The following CAMTA1 variants were observed in gnomAD, a reference collection of about 807,000 sequenced individuals.
The protein encoded by CAMTA1 is calmodulin-binding transcription activator 1.
CAMTA1 carries 27 observed loss-of-function variants against 170.9 expected under a neutral mutation model. The observed-to-expected ratio is 0.16, with a 90% CI of 0.12 to 0.22. CAMTA1 has a LOEUF of 0.22. Ranked by LOEUF, CAMTA1 falls within the 10% of genes least tolerant of loss-of-function variation. The pLI is 1.00. For synonymous variants in CAMTA1, 833 were observed against 891.5 expected (o/e 0.93, Z 1.17); for missense variants, 1,619 against 2,217.2 (o/e 0.73, Z 5.42).
chr1:7,285,925 A>G (rs1278844898), intron 5 of CAMTA1, among the ~76,000 whole-genome samples: 1 of 152,206 alleles, frequency 6.6e-6, no homozygotes, highest in Non-Finnish European at 1.5e-5. Context: ...TAAATCTGCT[A>G]CAAATTCCCA....
Position 6,957,991 on chromosome 1 carries a change from C to T in CAMTA1, c.234+132781C>T, listed in dbSNP as rs79892751. Among the ~76,000 whole-genome samples, 380 of 152,304 alleles carry T rather than the reference C, an allele frequency of 2.5e-3. 13 individuals are homozygous for T. In the East Asian group the frequency reaches 0.033, roughly 13 times the overall value. ...TTCCCTCCCGCCTGTCAGCACTGGA[C>T]TCGGCCTGCACCTCAGATGTCACTT... On this transcript the variant is annotated intron_variant, in intron 3 of 22. Transcript: ENST00000303635.
intron 4 of CAMTA1, among the ~76,000 whole-genome samples, chr1:7,156,904 T>C (rs1646916802): frequency 6.6e-6 from 1 of 152,030 alleles, no homozygotes; most frequent in African/African-American, 2.4e-5. Flanking sequence ...CTGTCACCAG[T>C]GGGTTATAGG....
intron 6 of CAMTA1, among the ~76,000 whole-genome samples, chr1:7,632,318 C>T (rs572384137): frequency 4.6e-5 from 7 of 152,340 alleles, no homozygotes; most frequent in East Asian, 3.9e-4. Context: ...GCGCCCCCAG[C>T]GGCAAGTGGG....
Position 7,688,604 on chromosome 1 carries a change from C to A in CAMTA1, c.2914+10871C>A, listed in dbSNP as rs542426489. Among the ~76,000 whole-genome samples the A allele has an allele frequency of 7.2e-5, 11 of 152,230 alleles. 1 individual carries two copies. Among genetic ancestry groups the A allele is most frequent in the African/African-American group, 2.4e-4 (10 of 41,542 alleles). ...AGAAGACACAAGTGCTGGTTGGGGGCTAGGGCAGCCTCTGAGGGGATGTGA... is the reference window on the plus strand; with the variant it reads ...AGAAGACACAAGTGCTGGTTGGGGGATAGGGCAGCCTCTGAGGGGATGTGA... On this transcript the variant is annotated intron_variant, in intron 11 of 22. Transcript: ENST00000303635.
intron 5 of CAMTA1, among the ~76,000 whole-genome samples, chr1:7,457,864 G>C (rs963617600): frequency 6.6e-6 from 1 of 152,148 alleles, no homozygotes; most frequent in African/African-American, 2.4e-5. Context: ...GGTCTTCTTG[G>C]TGCTCTCTGC....
At chr1:7,088,236 G>T (rs948868210) in intron 3 of CAMTA1, among the ~76,000 whole-genome samples, 1 of 152,208 alleles carries the variant, frequency 6.6e-6, no homozygotes, top group Non-Finnish European at 1.5e-5. Flanking sequence ...AGGTGTCCTG[G>T]ATTGGGAGAA....
chr1:7,403,329 A>G lies in CAMTA1; in HGVS notation c.439-64501A>G, dbSNP rs1460280213. On this transcript the variant is annotated intron_variant, in intron 5 of 22. Coordinates refer to ENST00000303635, the MANE Select transcript of CAMTA1 (RefSeq NM_015215.4). ...GTACCACTGCACTCCAGCCTGGGCA[A>G]CAAGAATGAAACTCCATCTCAAAAA... is the stretch of plus-strand genomic sequence containing the variant. Among the ~76,000 whole-genome samples, 4 of 152,304 alleles carry G rather than the reference A, an allele frequency of 2.6e-5. No homozygotes were observed. The East Asian group carries it at 7.7e-4, about 29-fold the overall frequency.
In CAMTA1 at chr1:7,624,236, C is replaced by T. The variant is rs569675673; in HGVS notation, c.511-16164C>T. ...CAGAGATGAGGACCACAGTTTGTCT[C>T]CCACACCAGCTGTGATCAATTGGTG... On this transcript the variant is annotated intron_variant, in intron 6 of 22. Transcript: ENST00000303635. Among the ~76,000 whole-genome samples the T allele has an allele frequency of 5.3e-5, 8 of 152,348 alleles. 1 individual carries two copies. In the South Asian group the frequency reaches 1.7e-3, roughly 32 times the overall value.
intron 3 of CAMTA1, among the ~76,000 whole-genome samples, chr1:7,029,488 CAAAAAAA>C (rs55736306): frequency 9.4e-5 from 6 of 63,820 alleles, no homozygotes; most frequent in Non-Finnish European, 1.2e-4. Flanking sequence ...GACTCTGTCT[CAAAAAAA>C]AAAAAAAAAA....
chr1:6,802,730 C>T (rs1470979760), intron 1 of CAMTA1, among the ~76,000 whole-genome samples: 1 of 151,304 alleles, frequency 6.6e-6, no homozygotes, highest in Non-Finnish European at 1.5e-5. Flanking sequence ...TTCTTTGTCT[C>T]TCTCTCTCTC....
intron 3 of CAMTA1, among the ~76,000 whole-genome samples, chr1:7,000,451 G>C (rs944925630): frequency 6.6e-6 from 1 of 152,194 alleles, no homozygotes; most frequent in African/African-American, 2.4e-5. Context: ...CTTAGGATGG[G>C]AAGTTGAAGA....
chr1:7,106,360 G>GGGAGGGAGAT (rs1451044237), intron 4 of CAMTA1, among the ~76,000 whole-genome samples: 1 of 152,020 alleles, frequency 6.6e-6, no homozygotes, highest in Non-Finnish European at 1.5e-5. Flanking sequence ...GCAAAAGAGA[G>GGGAGGGAGAT]GGAGGGAGAT....
intron 5 of CAMTA1, among the ~76,000 whole-genome samples, chr1:7,462,143 T>C (rs1028775052): frequency 6.6e-6 from 1 of 152,260 alleles, no homozygotes; most frequent in African/African-American, 2.4e-5. Flanking sequence ...TATTTTATTT[T>C]TGAGACAGAG....
At chr1:6,874,400 A>G (rs6676311) in intron 3 of CAMTA1, 44,221 of 152,222 alleles carry the variant, frequency 0.29, 6,751 homozygotes, top group Admixed American at 0.39. Context: ...TGGGGATGAT[A>G]ATAGTACCCA....
chr1:7,507,248 C>T (rs2094133432), intron 6 of CAMTA1, among the ~76,000 whole-genome samples: 2 of 152,158 alleles, frequency 1.3e-5, no homozygotes, highest in African/African-American at 4.8e-5. Context: ...CTCACGCTCA[C>T]ATATTTGCAC....
chr1:7,055,711 C>T lies in CAMTA1; in HGVS notation c.235-35593C>T, dbSNP rs1707219139. On this transcript the variant is annotated intron_variant, in intron 3 of 22. Transcript: ENST00000303635. Reference sequence around the variant, plus strand: ...TTATCAGGAGGCTGCGGCAGCATCACAGTGGGAGGCCCTCTGTCTCCCGCC... The same window carrying T: ...TTATCAGGAGGCTGCGGCAGCATCATAGTGGGAGGCCCTCTGTCTCCCGCC... Among the ~76,000 whole-genome samples the T allele has an allele frequency of 2.0e-5, 3 of 152,204 alleles. No homozygotes were observed. The South Asian group carries it at 6.2e-4, about 32-fold the overall frequency.
intron 5 of CAMTA1, among the ~76,000 whole-genome samples, chr1:7,290,978 T>A (rs1673049786): frequency 6.6e-6 from 1 of 152,204 alleles, no homozygotes; most frequent in Admixed American, 6.5e-5. Context: ...GAATGGGAAC[T>A]GACCCCTGGT....
chr1:7,548,373 T>C (rs1352346392), intron 6 of CAMTA1, among the ~76,000 whole-genome samples: 1 of 152,088 alleles, frequency 6.6e-6, no homozygotes, highest in Non-Finnish European at 1.5e-5. Flanking sequence ...GCCTTAGGAA[T>C]GGAGGTGCCC....
In CAMTA1 at chr1:7,173,230, A is replaced by G. The variant is rs886769750; in HGVS notation, c.303-76261A>G. 6.6e-6 allele frequency among the ~76,000 whole-genome samples: 1 copy of G among 152,192 alleles called. No homozygotes were observed. The highest frequency in any genetic ancestry group is 2.4e-5 in the African/African-American group (1 of 41,450). ...TACAGCTTCCCAGTTCTCTGGCCTC[A>G]GGCACATCATCCTAAACTGGGCACG... On this transcript the variant is annotated intron_variant, in intron 4 of 22. Transcript: ENST00000303635. The surrounding 1 kb of genome is among the most constrained non-coding windows in gnomAD (Gnocchi z 5.4).
Sources: gnomAD v4.1 joint callset for allele counts (sites outside exome capture counted in the v4.1 genomes callset) on GRCh38, gnomAD v4.1.1 for gene constraint, Gnocchi (gnomAD v3.1) non-coding constraint, MANE v1.5 for transcripts, NCBI Gene and HGNC (gene_info 2026-07-23, HGNC 2026-07-21) for gene names.